The following ACSS1 variants were observed in gnomAD, a reference collection of about 807,000 sequenced individuals.
ACSS1 encodes acyl-CoA synthetase short chain family member 1.
Under a neutral mutation model 75.3 loss-of-function variants are expected in ACSS1, and 42 were observed. The ratio of observed to expected loss-of-function variants is 0.56; its 90% CI spans 0.44 to 0.72. The LOEUF (loss-of-function observed/expected upper bound fraction) is 0.72, where lower values mean the gene tolerates loss of function less well. ACSS1 is among the 30% of genes least tolerant of loss of function. The pLI is 0.00. For missense variants in ACSS1, 782 were observed against 935.7 expected, an observed-to-expected ratio of 0.84 and a Z score of 2.14; for synonymous variants, 380 against 376.8, an observed-to-expected ratio of 1.01 and a Z score of -0.10.
At chr20:25,013,089 G>C in intron 10 of ACSS1, 150 bp from the exon 11 acceptor site, 1 of 1,229,770 alleles carries the variant, frequency 8.1e-7, no homozygotes, top group Non-Finnish European at 1.1e-6. Flanking sequence ...CTATGTTCTA[G>C]AGCATGGGCA....
rs2088664884 is a variant in ACSS1, at chr20:25,023,566, T to C, written c.707A>G (p.Asp236Gly). 3.7e-6 allele frequency: 6 copies of C among 1,614,052 alleles called. No individual in the cohort carries two copies. Among genetic ancestry groups the C allele is most frequent in the Non-Finnish European group, 5.1e-6 (6 of 1,180,002 alleles). Reference protein sequence around the residue: ...GRVVELKKIVDEAVKHCPTVQ... With the variant: ...GRVVELKKIVGEAVKHCPTVQ... Reference sequence around the variant, plus strand: ...GGTGGGGCAGTGCTTCACAGCCTCATCCACTATTTTCTTCAGCTCCACCAC... The same window carrying C: ...GGTGGGGCAGTGCTTCACAGCCTCACCCACTATTTTCTTCAGCTCCACCAC... Residue 236 changes from aspartate to glycine, a missense_variant, in exon 4 of 14, where the codon GAT becomes GGT. Transcript: ENST00000323482.
rs375710553 is a variant in ACSS1 at position 25,020,161 on chromosome 20, G to A, written c.1109-14C>T. The A allele has an allele frequency of 5.9e-5, 96 of 1,613,814 alleles. 1 individual carries two copies. The highest frequency in any genetic ancestry group is 4.2e-4 in the South Asian group (38 of 91,086). ...CCCAGTACCGACCTACAGAAAGGCC[G>A]AAATTCACTGTCAGCAGGAGAGCTG... is the stretch of plus-strand genomic sequence containing the variant. On this transcript the variant is annotated splice_polypyrimidine_tract_variant and intron_variant, in intron 6 of 13. Coordinates refer to ENST00000323482, the MANE Select transcript of ACSS1 (RefSeq NM_032501.4).
At chr20:25,011,673 T>C (rs1323057499) in intron 12 of ACSS1, 1 of 152,286 alleles carries the variant, frequency 6.6e-6, no homozygotes, top group East Asian at 1.9e-4. Context: ...CAGCATAGCC[T>C]TTCCATGGCA....
intron 2 of ACSS1, among the ~76,000 whole-genome samples, chr20:25,042,351 C>A (rs77256449): frequency 0.021 from 3,159 of 152,254 alleles, 41 homozygotes; most frequent in Non-Finnish European, 0.027. Flanking sequence ...CTGGCTGTAG[C>A]GTGCAGATTC....
chr20:25,040,737 C>T (rs2088987296), intron 2 of ACSS1, among the ~76,000 whole-genome samples: 2 of 152,212 alleles, frequency 1.3e-5, no homozygotes, highest in South Asian at 4.1e-4. Flanking sequence ...TAGCCCCAGC[C>T]TGGGAGCCTG....
chr20:25,034,343 T>C (rs1215069691), intron 2 of ACSS1, among the ~76,000 whole-genome samples: 1 of 152,132 alleles, frequency 6.6e-6, no homozygotes, highest in Non-Finnish European at 1.5e-5. Flanking sequence ...CTTTAAAGCT[T>C]CCCAGAATAA....
intron 10 of ACSS1, among the ~76,000 whole-genome samples, chr20:25,013,175 C>A (rs775220237): frequency 6.6e-5 from 10 of 152,142 alleles, no homozygotes; most frequent in Non-Finnish European, 1.2e-4. Context: ...CTCCAAAACA[C>A]TGAGTCTTGT....
intron 1 of ACSS1, 124 bp from the exon 2 acceptor site, chr20:25,048,305 C>T (rs1042427344): frequency 1.4e-6 from 1 of 718,036 alleles, no homozygotes; most frequent in African/African-American, 1.8e-5. Flanking sequence ...GACAGAGACC[C>T]TGTCCTCATC....
intron 7 of ACSS1, among the ~76,000 whole-genome samples, chr20:25,017,069 T>C (rs935896319): frequency 1.3e-5 from 2 of 151,652 alleles, no homozygotes; most frequent in Admixed American, 1.3e-4. Flanking sequence ...CATGGCTCAC[T>C]GCAACCTCGA....
Position 25,013,443 on chromosome 20 carries a change from G to A in ACSS1, c.1579+93C>T, listed in dbSNP as rs2088452768. Reference sequence around the variant, plus strand: ...CACCTATTCCTGGCCACAGTGTTACGCTGCACTCAAATCCCATTAAAAATG... The same window carrying A: ...CACCTATTCCTGGCCACAGTGTTACACTGCACTCAAATCCCATTAAAAATG... On this transcript the variant is annotated intron_variant, in intron 10 of 13. Transcript: ENST00000323482. 6.8e-6 allele frequency: 10 copies of A among 1,479,138 alleles called. No individual in the cohort carries two copies. In the Admixed American group the frequency reaches 8.7e-5, roughly 13 times the overall value. 91.6% of individuals were successfully genotyped at this position (1,479,138 alleles called of 1,614,324 possible).
chr20:25,030,058 A>T (rs1225617239), intron 3 of ACSS1, among the ~76,000 whole-genome samples: 2 of 152,168 alleles, frequency 1.3e-5, no homozygotes, highest in African/African-American at 4.8e-5. Context: ...TTTTATACAG[A>T]GGGAGGTCAA....
At chr20:25,057,747 G>C in intron 1 of ACSS1, 22 bp downstream of exon 1, 1 of 1,537,080 alleles carries the variant, frequency 6.5e-7, no homozygotes, top group Non-Finnish European at 8.9e-7. Flanking sequence ...GGGGCGTCCT[G>C]GGTCTCCCGA....
At chr20:25,009,623 C>T in intron 12 of ACSS1, 1 of 523,264 alleles carries the variant, frequency 1.9e-6, no homozygotes, top group Non-Finnish European at 3.4e-6. Flanking sequence ...ACATGTGTGG[C>T]TGAGAGCTTG....
chr20:25,031,365 G>A (rs984490125), intron 2 of ACSS1, among the ~76,000 whole-genome samples: 1 of 152,138 alleles, frequency 6.6e-6, no homozygotes, highest in Non-Finnish European at 1.5e-5. Context: ...CTTAATACCT[G>A]CAAAGACAAA....
At chr20:25,050,884 G>A (rs764861857) in intron 1 of ACSS1, among the ~76,000 whole-genome samples, 4 of 152,106 alleles carry the variant, frequency 2.6e-5, no homozygotes, top group Admixed American at 6.5e-5. Flanking sequence ...ACCCAGGTGC[G>A]GCTGGGTGGC....
intron 7 of ACSS1, 152 bp from the exon 8 acceptor site, chr20:25,015,382 A>G (rs1362595912): frequency 6.7e-6 from 4 of 600,810 alleles, no homozygotes; most frequent in African/African-American, 3.8e-5. Context: ...TGCAACCTCC[A>G]CCTCCCAGGT....
In ACSS1 at chr20:25,020,058, C is replaced by A; in HGVS notation, c.1198G>T (p.Ala400Ser). The change falls in exon 7 of 14, where the codon GCC (alanine) becomes TCC (serine). Residue 400 changes from alanine to serine, a missense_variant. Ala to Ser is a moderately conservative substitution (Grantham distance 99). This residue lies in a region of ACSS1 where 405 missense variants were observed against 552.6 expected (regional missense o/e 0.73). Transcript: ENST00000323482. ...GAGCGATCATACTTCTTCACCCAGG[C>A]ATCACCGTATTTCAGCAACAGCCGG... is the stretch of plus-strand genomic sequence containing the variant. ...AVRLLLKYGD[A>S]WVKKYDRSSL... 6.2e-7 allele frequency: 1 copy of A among 1,614,224 alleles called. No individual in the cohort carries two copies. Among genetic ancestry groups the A allele is most frequent in the Non-Finnish European group, 8.5e-7 (1 of 1,180,040 alleles).
chr20:25,035,772 T>A (rs1473277793), intron 2 of ACSS1, among the ~76,000 whole-genome samples: 5 of 152,360 alleles, frequency 3.3e-5, no homozygotes, highest in African/African-American at 1.2e-4. Flanking sequence ...CAGACATATA[T>A]TATTGGAAAA....
intron 5 of ACSS1, 85 bp downstream of exon 5, chr20:25,022,855 C>A: frequency 6.8e-7 from 1 of 1,464,420 alleles, no homozygotes; most frequent in Non-Finnish European, 9.0e-7. Context: ...CACCTACAGG[C>A]CTCGCTCTGC....
Sources: gnomAD v4.1 joint callset for allele counts (sites outside exome capture counted in the v4.1 genomes callset) on GRCh38, gnomAD v4.1.1 for gene constraint, gnomAD v4.1.1 regional missense constraint, MANE v1.5 for transcripts, NCBI Gene and HGNC (gene_info 2026-07-23, HGNC 2026-07-21) for gene names.